Variants in RASAL2 observed in about 807,000 individuals in gnomAD.
RASAL2 encodes RAS protein activator like 2, also known as ras GTPase-activating protein nGAP.
Under a neutral mutation model 128.9 loss-of-function variants are expected in RASAL2, and 58 were observed. That is an observed-to-expected ratio of 0.45 (90% CI 0.36 to 0.56). The LOEUF (loss-of-function observed/expected upper bound fraction) is 0.56, where lower values mean the gene tolerates loss of function less well. RASAL2 is among the 20% of genes least tolerant of loss of function. The pLI, the probability that RASAL2 is intolerant of heterozygous loss-of-function variation, is 0.00. For synonymous variants in RASAL2, 561 were observed against 580.8 expected, an observed-to-expected ratio of 0.97 and a Z score of 0.49; for missense variants, 1,360 against 1,601.6, an observed-to-expected ratio of 0.85 and a Z score of 2.57.
chr1:178,371,076 A>G (rs531194891), intron 3 of RASAL2, among the ~76,000 whole-genome samples: 1 of 151,910 alleles, frequency 6.6e-6, no homozygotes, highest in South Asian at 2.1e-4. Context: ...GAACAAGGAT[A>G]TTAATAATTT....
At chr1:178,346,230 C>A (rs1419087268) in intron 3 of RASAL2, among the ~76,000 whole-genome samples, 1 of 151,852 alleles carries the variant, frequency 6.6e-6, no homozygotes, top group Non-Finnish European at 1.5e-5. Context: ...AGTGAGACCT[C>A]CCCTCTACAG....
chr1:178,187,229 T>A (rs868439476), intron 1 of RASAL2, among the ~76,000 whole-genome samples: 6 of 152,138 alleles, frequency 3.9e-5, no homozygotes, highest in South Asian at 2.1e-4. Flanking sequence ...CAGCCCTTTT[T>A]CCCCCACTCT....
At chr1:178,341,615 G>A (rs1669885893) in intron 3 of RASAL2, 2 of 1,613,900 alleles carry the variant, frequency 1.2e-6, no homozygotes, top group Non-Finnish European at 1.7e-6. Flanking sequence ...CCAGGTAAGA[G>A]TTTGTAGAGT....
chr1:178,235,666 C>T (rs1175091857), intron 1 of RASAL2, among the ~76,000 whole-genome samples: 4 of 151,992 alleles, frequency 2.6e-5, no homozygotes, highest in African/African-American at 4.8e-5. Context: ...GGATTAAGCT[C>T]TTAAGACTGA....
chr1:178,349,102 C>A (rs1670314217), intron 3 of RASAL2, among the ~76,000 whole-genome samples: 1 of 151,168 alleles, frequency 6.6e-6, no homozygotes, highest in African/African-American at 2.4e-5. Context: ...CCCGGCCCGA[C>A]ACCAGGTTTA....
chr1:178,183,055 C>T (rs566738733), intron 1 of RASAL2, among the ~76,000 whole-genome samples: 2 of 152,274 alleles, frequency 1.3e-5, no homozygotes, highest in South Asian at 2.1e-4. Context: ...ACTCACCCAC[C>T]GCTCACCTCC....
intron 1 of RASAL2, among the ~76,000 whole-genome samples, chr1:178,228,642 G>A (rs374801796): frequency 1.1e-4 from 16 of 152,268 alleles, no homozygotes; most frequent in Middle Eastern, 3.4e-3. Flanking sequence ...ACAAAATACC[G>A]TAATCCTTGT....
chr1:178,160,567 G>A (rs571672893), intron 1 of RASAL2, among the ~76,000 whole-genome samples: 32 of 152,198 alleles, frequency 2.1e-4, no homozygotes, highest in Middle Eastern at 3.4e-3. Flanking sequence ...CCTGGGAGGC[G>A]GAGGTTGCAG....
rs147312784 is a variant in RASAL2, at chr1:178,391,977, C to T, written c.564+1771C>T. On this transcript the variant is annotated intron_variant, in intron 4 of 17. Transcript: ENST00000367649. ...ACCTTATTCTTCCGAGCTCCATTTTCAGACTAACTGAGAGCAGATAAAATA... is the reference window on the plus strand; with the variant it reads ...ACCTTATTCTTCCGAGCTCCATTTTTAGACTAACTGAGAGCAGATAAAATA... Among the ~76,000 whole-genome samples, 899 of 152,312 alleles carry T rather than the reference C, an allele frequency of 5.9e-3. 7 individuals carry two copies. Among genetic ancestry groups the T allele is most frequent in the Non-Finnish European group, 8.0e-3 (544 of 68,034 alleles).
At chr1:178,140,539 T>G (rs1660487930) in intron 1 of RASAL2, among the ~76,000 whole-genome samples, 1 of 152,226 alleles carries the variant, frequency 6.6e-6, no homozygotes, top group Admixed American at 6.5e-5. Context: ...CTCTATAGTT[T>G]TACCTTTTCC....
chr1:178,425,007 A>G (rs979797393), intron 5 of RASAL2, among the ~76,000 whole-genome samples: 1 of 152,188 alleles, frequency 6.6e-6, no homozygotes, highest in East Asian at 1.9e-4. Context: ...AGAACCAAAG[A>G]TACAGCCCTC....
chr1:178,399,436 T>G (rs1423912254), intron 4 of RASAL2, among the ~76,000 whole-genome samples: 2 of 151,990 alleles, frequency 1.3e-5, no homozygotes. Context: ...AGGTACCTAG[T>G]GAGTTGTAGG....
intron 3 of RASAL2, among the ~76,000 whole-genome samples, chr1:178,320,052 C>G (rs1487545409): frequency 8.6e-5 from 13 of 151,676 alleles, no homozygotes; most frequent in Non-Finnish European, 1.0e-4. Flanking sequence ...AATACCCTGC[C>G]ATGTGAGGTG....
chr1:178,349,360 G>A (rs1197996370), intron 3 of RASAL2, among the ~76,000 whole-genome samples: 2 of 151,898 alleles, frequency 1.3e-5, no homozygotes, highest in African/African-American at 4.8e-5. Context: ...GGAGGCAGAG[G>A]TTGAAGTGAG....
At chr1:178,460,908 G>A (rs1678152458) in intron 14 of RASAL2, among the ~76,000 whole-genome samples, 1 of 152,102 alleles carries the variant, frequency 6.6e-6, no homozygotes, top group Non-Finnish European at 1.5e-5. Context: ...CCGCCTCCCA[G>A]GTTCAAGCAG....
At chr1:178,338,576 T>G (rs946910971) in intron 3 of RASAL2, among the ~76,000 whole-genome samples, 1 of 152,198 alleles carries the variant, frequency 6.6e-6, no homozygotes, top group Non-Finnish European at 1.5e-5. Context: ...TTTGGTTGAT[T>G]CATAACTAAG....
intron 1 of RASAL2, among the ~76,000 whole-genome samples, chr1:178,204,572 G>A (rs1662979640): frequency 6.6e-6 from 1 of 152,202 alleles, no homozygotes; most frequent in Admixed American, 6.5e-5. Flanking sequence ...ACTACTTGCT[G>A]ATGTTGATGA....
chr1:178,409,974 A>G (rs975630695), intron 4 of RASAL2, among the ~76,000 whole-genome samples: 2 of 152,220 alleles, frequency 1.3e-5, no homozygotes, highest in Admixed American at 6.5e-5. Context: ...TCATGGCACC[A>G]GGAAGATTGA....
intron 1 of RASAL2, among the ~76,000 whole-genome samples, chr1:178,161,762 T>C (rs1470440626): frequency 6.6e-6 from 1 of 152,034 alleles, no homozygotes. Context: ...ACACTTCTTA[T>C]CATTTTTTTT....
Sources: gnomAD v4.1 joint callset for allele counts (sites outside exome capture counted in the v4.1 genomes callset) on GRCh38, gnomAD v4.1.1 for gene constraint, MANE v1.5 for transcripts, NCBI Gene and HGNC (gene_info 2026-07-23, HGNC 2026-07-21) for gene names.